The following PHF12 variants were observed in gnomAD, a reference collection of about 807,000 sequenced individuals.
PHF12 encodes the protein PHD finger protein 12.
In PHF12, 6 loss-of-function variants were observed where a neutral mutation model predicts 99.8. The ratio of observed to expected loss-of-function variants is 0.06; its 90% CI spans 0.03 to 0.12. PHF12 has a LOEUF of 0.12. PHF12 is among the 10% of genes least tolerant of loss of function. The pLI is 1.00. For missense variants in PHF12, 954 were observed against 1,300.1 expected (o/e 0.73, Z 4.09); for synonymous variants, 480 against 514.9 (o/e 0.93, Z 0.92).
chr17:28,923,647 G>C (rs1330114401), intron 4 of PHF12, among the ~76,000 whole-genome samples: 2 of 29,764 alleles, frequency 6.7e-5, no homozygotes, highest in Non-Finnish European at 1.0e-4. Flanking sequence ...GACAAAGTGA[G>C]ACTCACAAAA....
chr17:28,914,160 C>A, intron 7 of PHF12, 123 bp from the exon 8 acceptor site: 1 of 1,116,408 alleles, frequency 9.0e-7, no homozygotes, highest in South Asian at 1.7e-5. Flanking sequence ...ACTCTGGGGT[C>A]TGCTGAGGAA....
rs1191159499 is a variant in PHF12, at chr17:28,906,495, C to T, written c.2703G>A (p.Gln901=). The part of the protein sequence containing the change: ...SVIRRRRHQK[Q]DEEPSEEAAM... ...CTGCCTCCTCACTTGGCTCTTCGTCCTGTTTCTGGTGCCGGCGGCGCCCTG... is the reference window on the plus strand; with the variant it reads ...CTGCCTCCTCACTTGGCTCTTCGTCTTGTTTCTGGTGCCGGCGGCGCCCTG... Residue 901 remains glutamine, a synonymous_variant, in exon 15 of 15, where the codon CAG becomes CAA. Transcript: ENST00000332830. This position sits in a 1 kb window ranked among gnomAD's most constrained non-coding sequence, Gnocchi z 4.2. 6.2e-7 allele frequency: 1 copy of T among 1,604,654 alleles called. No homozygotes were observed.
In PHF12 at chr17:28,949,716, G is replaced by C. The variant is rs2040775777; in HGVS notation, c.248+349C>G. 1 of 189,266 alleles carries C rather than the reference G, an allele frequency of 5.3e-6. No individual in the cohort carries two copies. The highest frequency in any genetic ancestry group is 2.3e-5 in the African/African-American group (1 of 42,780). The allele number at this position is 189,266 out of a possible 1,614,324, so 11.7% of individuals were successfully genotyped here. A position where few individuals can be genotyped will look rare whatever the true frequency, so the allele number is the denominator to read the frequency against. On this transcript the variant is annotated intron_variant, in intron 2 of 14. Coordinates refer to ENST00000332830, the MANE Select transcript of PHF12 (RefSeq NM_001033561.2). This position sits in a 1 kb window ranked among gnomAD's most constrained non-coding sequence, Gnocchi z 4.6. ...GGAGCCCCGAGGGCAGCGGGCGCGCGGGCAGGCAAGCGGCACTGGGCCCGG... is the reference window on the plus strand; with the variant it reads ...GGAGCCCCGAGGGCAGCGGGCGCGCCGGCAGGCAAGCGGCACTGGGCCCGG...
Position 28,924,192 on chromosome 17 carries a change from G to T in PHF12, c.432C>A (p.Ser144Arg). The change falls in exon 4 of 15, where the codon AGC becomes AGA. Residue 144 changes from serine to arginine, a missense_variant. Transcript: ENST00000332830. Reference sequence around the variant, plus strand: ...GGGCAATGGCCTTTAGTTCAGTTTTGCTGGCCGATCTGTCCAACAAGTCAG... The same window carrying T: ...GGGCAATGGCCTTTAGTTCAGTTTTTCTGGCCGATCTGTCCAACAAGTCAG... Reference protein sequence around the residue: ...SDTDLLDRSASKTELKAIAHA... With the variant: ...SDTDLLDRSARKTELKAIAHA... 1 of 1,614,144 alleles carries T rather than the reference G, an allele frequency of 6.2e-7. No individual in the cohort carries two copies. The highest frequency in any genetic ancestry group is 8.5e-7 in the Non-Finnish European group (1 of 1,180,040).
chr17:28,913,344 G>T, intron 8 of PHF12, 67 bp from the exon 9 acceptor site: 1 of 1,541,786 alleles, frequency 6.5e-7, no homozygotes, highest in Non-Finnish European at 8.7e-7. Flanking sequence ...TGCCACAGTG[G>T]CCAGGGCTGC....
At position 28,906,024 on chromosome 17, in the gene PHF12, T is replaced by C. The variant is rs1483140593; in HGVS notation, c.*159A>G. 1.3e-6 allele frequency: 1 copy of C among 752,776 alleles called. No individual in the cohort carries two copies. 46.6% of individuals were successfully genotyped at this position (752,776 alleles called of 1,614,324 possible). A position where few individuals can be genotyped will look rare whatever the true frequency, so the allele number is the denominator to read the frequency against. ...GAACTTGAGAAAAGAAAAAGGATTTTTAAAAAACAGTCAAAAGGTTTTCTT... is the reference window on the plus strand; with the variant it reads ...GAACTTGAGAAAAGAAAAAGGATTTCTAAAAAACAGTCAAAAGGTTTTCTT... On this transcript the variant is annotated 3_prime_UTR_variant, in exon 15 of 15. Transcript: ENST00000332830. This position sits in a 1 kb window ranked among gnomAD's most constrained non-coding sequence, Gnocchi z 4.2.
chr17:28,908,970 T>G (rs1475117047), intron 11 of PHF12, 89 bp from the exon 12 acceptor site: 2 of 1,237,826 alleles, frequency 1.6e-6, no homozygotes, highest in Non-Finnish European at 2.3e-6. Flanking sequence ...CTTTGGCTCA[T>G]GGCCTGGAGA....
At position 28,912,621 on chromosome 17, in the gene PHF12, T is replaced by C. The variant is rs1402297464; in HGVS notation, c.1950A>G (p.Ile650Met). 6.2e-7 allele frequency: 1 copy of C among 1,614,092 alleles called. No individual in the cohort carries two copies. The highest frequency in any genetic ancestry group is 8.5e-7 in the Non-Finnish European group (1 of 1,180,040). Reference sequence around the variant, plus strand: ...GCCTTGAATCTGTCAACGGAGGTCCTATCTGTGATTGGACAGTCTTTCTTT... The same window carrying C: ...GCCTTGAATCTGTCAACGGAGGTCCCATCTGTGATTGGACAGTCTTTCTTT... ...TLQRKTVQSQ[I>M]GPPLTDSRPL... is the part of the protein sequence containing the mutation. The change falls in exon 9 of 15, where the codon ATA becomes ATG. Residue 650 changes from isoleucine (I) to methionine (M), a missense_variant. Coordinates refer to ENST00000332830, the MANE Select transcript of PHF12 (RefSeq NM_001033561.2).
intron 5 of PHF12, among the ~76,000 whole-genome samples, chr17:28,919,681 C>T (rs2040126499): frequency 6.6e-6 from 1 of 152,182 alleles, no homozygotes; most frequent in Non-Finnish European, 1.5e-5. Context: ...CCGGAGGTTG[C>T]AGTGAGCCAA....
intron 2 of PHF12, among the ~76,000 whole-genome samples, chr17:28,934,829 G>T (rs1231059826): frequency 6.6e-6 from 1 of 152,086 alleles, no homozygotes; most frequent in African/African-American, 2.4e-5. Context: ...TCGAACTCCT[G>T]ACCTAAGGTG....
At position 28,919,245 on chromosome 17, in the gene PHF12, A is replaced by G. The variant is rs1264617912; in HGVS notation, c.867T>C (p.Cys289=). Residue 289 remains cysteine (C), a synonymous_variant, in exon 6 of 15, where the codon TGT becomes TGC. Coordinates refer to ENST00000332830, the MANE Select transcript of PHF12 (RefSeq NM_001033561.2). The part of the protein sequence containing the change: ...RSCRVAPLIQ[C]DYCPLLFHMD... ...TGTGAAACAGGAGAGGGCAATAGTC[A>G]CACTGGATGAGAGGAGCCACACGGC... 6.2e-7 allele frequency: 1 copy of G among 1,614,198 alleles called. No individual in the cohort carries two copies. Among genetic ancestry groups the G allele is most frequent in the East Asian group, 2.2e-5 (1 of 44,888 alleles).
At position 28,924,319 on chromosome 17, in the gene PHF12, G is replaced by A; in HGVS notation, c.322-17C>T. On this transcript the variant is annotated splice_polypyrimidine_tract_variant and intron_variant, in intron 3 of 14. Coordinates refer to ENST00000332830, the MANE Select transcript of PHF12 (RefSeq NM_001033561.2). ...CTCTCGTTTCTGTGCAAATGAACAG[G>A]TGGGCCCATCATGAAAAGTACCATG... The A allele has an allele frequency of 3.7e-6, 6 of 1,614,100 alleles. No homozygotes were observed. Among genetic ancestry groups the A allele is most frequent in the Non-Finnish European group, 5.1e-6 (6 of 1,180,040 alleles).
intron 7 of PHF12, among the ~76,000 whole-genome samples, chr17:28,916,767 A>G (rs1780628340): frequency 6.6e-6 from 1 of 152,246 alleles, no homozygotes; most frequent in Non-Finnish European, 1.5e-5. Flanking sequence ...TATAAATATT[A>G]GGCATTATTA....
chr17:28,921,260 C>T (rs906606339), intron 5 of PHF12, among the ~76,000 whole-genome samples: 1 of 152,100 alleles, frequency 6.6e-6, no homozygotes, highest in Non-Finnish European at 1.5e-5. Flanking sequence ...ACAGTTTAGC[C>T]TCCAGGGCTA....
At chr17:28,932,466 G>T (rs1040120295) in intron 2 of PHF12, among the ~76,000 whole-genome samples, 7 of 152,180 alleles carry the variant, frequency 4.6e-5, no homozygotes, top group Non-Finnish European at 1.0e-4. Context: ...AGGGATTCAT[G>T]AAATGGTTCC....
At position 28,914,078 on chromosome 17, in the gene PHF12, T is replaced by G. The variant is rs778617076; in HGVS notation, c.1135-41A>C. ...AGAAGGAGGAAGGAGAGGGAGATAG[T>G]TCCAACATGTCTAGTTGATTCTGCC... On this transcript the variant is annotated intron_variant, in intron 7 of 14. Transcript: ENST00000332830. 5.8e-6 allele frequency: 9 copies of G among 1,551,898 alleles called. No individual in the cohort carries two copies. In the Admixed American group the frequency reaches 1.5e-4, roughly 27 times the overall value.
intron 2 of PHF12, among the ~76,000 whole-genome samples, chr17:28,940,065 T>C (rs946137436): frequency 6.6e-6 from 1 of 152,218 alleles, no homozygotes; most frequent in African/African-American, 2.4e-5. Context: ...TCTTGGGAGA[T>C]ATCCCATAAA....
At chr17:28,908,602 G>A (rs767687723) in intron 12 of PHF12, 181 bp downstream of exon 12, 46 of 630,012 alleles carry the variant, frequency 7.3e-5, no homozygotes, top group Non-Finnish European at 1.1e-4. Context: ...TTATAGGCGT[G>A]AGCCACCGTG....
intron 9 of PHF12, 147 bp from the exon 10 acceptor site, chr17:28,911,384 G>C: frequency 8.7e-7 from 1 of 1,143,426 alleles, no homozygotes; most frequent in Non-Finnish European, 1.2e-6. Context: ...AACTCCTAGA[G>C]CTAAAAACGT....
Sources: allele counts gnomAD v4.1 joint callset (sites outside exome capture counted in the v4.1 genomes callset), GRCh38; gene constraint gnomAD v4.1.1; non-coding constraint Gnocchi (gnomAD v3.1); transcripts MANE v1.5; gene names NCBI Gene and HGNC (gene_info 2026-07-23, HGNC 2026-07-21).